The following PTPRT variants were observed in gnomAD, a reference collection of about 807,000 sequenced individuals.
PTPRT encodes the protein protein tyrosine phosphatase receptor type T.
PTPRT carries 56 observed loss-of-function variants against 176.8 expected under a neutral mutation model. The observed-to-expected ratio is 0.32, with a 90% confidence interval of 0.26 to 0.40. The LOEUF is 0.40. Among genes scored for constraint, PTPRT ranks in the 10% least tolerant of loss-of-function variants. PTPRT has a pLI of 1.00. For missense variants in PTPRT, 1,540 were observed against 1,908.2 expected (o/e 0.81, Z 3.60); for synonymous variants, 783 against 739.0 (o/e 1.06, Z -0.96).
chr20:42,128,916 G>T, intron 18 of PTPRT, 86 bp from the exon 19 acceptor site: 1 of 1,125,458 alleles, frequency 8.9e-7, no homozygotes, highest in South Asian at 1.8e-5. Context: ...GTTTATTAAT[G>T]ACTGCATATC....
intron 6 of PTPRT, among the ~76,000 whole-genome samples, chr20:42,683,825 T>A (rs935328769): frequency 6.6e-6 from 1 of 152,190 alleles, no homozygotes. Context: ...CTCTACTCAA[T>A]CTTCATGGTC....
At chr20:42,098,611 A>G in intron 26 of PTPRT, 59 bp from the exon 27 acceptor site, 1 of 1,602,304 alleles carries the variant, frequency 6.2e-7, no homozygotes, top group Non-Finnish European at 8.5e-7. Flanking sequence ...TATTCTGATG[A>G]TGATGAGGCC....
At chr20:42,542,514 T>G (rs2072602070) in intron 7 of PTPRT, among the ~76,000 whole-genome samples, 1 of 152,154 alleles carries the variant, frequency 6.6e-6, no homozygotes, top group Non-Finnish European at 1.5e-5. Context: ...GTTAAAAATG[T>G]ATACTTTGTT....
intron 7 of PTPRT, among the ~76,000 whole-genome samples, chr20:42,538,645 C>G (rs1169380158): frequency 2.0e-5 from 3 of 152,182 alleles, no homozygotes; most frequent in Non-Finnish European, 2.9e-5. Flanking sequence ...AGTACAGAGA[C>G]AGTGAGACAA....
At chr20:43,180,706 G>T (rs2015235613) in intron 1 of PTPRT, among the ~76,000 whole-genome samples, 1 of 151,950 alleles carries the variant, frequency 6.6e-6, no homozygotes, top group Non-Finnish European at 1.5e-5. Flanking sequence ...CAGGTGATCC[G>T]CCCACCTCGG....
intron 16 of PTPRT, among the ~76,000 whole-genome samples, chr20:42,162,808 G>C (rs1989662300): frequency 6.6e-6 from 1 of 152,160 alleles, no homozygotes; most frequent in Non-Finnish European, 1.5e-5. Context: ...CAGCTTATTT[G>C]CCTGTCATGT....
At chr20:42,628,361 T>C (rs1415403044) in intron 7 of PTPRT, among the ~76,000 whole-genome samples, 1 of 152,182 alleles carries the variant, frequency 6.6e-6, no homozygotes, top group African/African-American at 2.4e-5. Context: ...TATTGCTCTA[T>C]TCCACGTGAC....
intron 1 of PTPRT, among the ~76,000 whole-genome samples, chr20:43,102,063 C>A (rs3091802): frequency 6.6e-6 from 1 of 151,880 alleles, no homozygotes; most frequent in Non-Finnish European, 1.5e-5. Flanking sequence ...GGGCATGGAG[C>A]CCTAGCTAAT....
At chr20:43,122,148 A>G (rs2013284122) in intron 1 of PTPRT, among the ~76,000 whole-genome samples, 1 of 152,174 alleles carries the variant, frequency 6.6e-6, no homozygotes, top group South Asian at 2.1e-4. Context: ...TTGCATTTCT[A>G]ACAAGTTCCC....
rs992559538 is a variant in PTPRT at position 42,707,743 on chromosome 20, C to A, written c.860-29584G>T. Reference sequence around the variant, plus strand: ...CTGAGGCAAGAGGATCAGCTGAGCTCAGGAGTTTCAGACCAGCCTGAGCAA... The same window carrying A: ...CTGAGGCAAGAGGATCAGCTGAGCTAAGGAGTTTCAGACCAGCCTGAGCAA... On this transcript the variant is annotated intron_variant, in intron 6 of 30. Coordinates refer to ENST00000373187, the MANE Select transcript of PTPRT (RefSeq NM_007050.6). Among the ~76,000 whole-genome samples, 4 of 152,170 alleles carry A rather than the reference C, an allele frequency of 2.6e-5. No homozygotes were observed. In the South Asian group the frequency reaches 6.2e-4, roughly 24 times the overall value.
At chr20:42,223,356 A>G (rs1370919358) in intron 15 of PTPRT, among the ~76,000 whole-genome samples, 2 of 152,190 alleles carry the variant, frequency 1.3e-5, no homozygotes, top group African/African-American at 4.8e-5. Flanking sequence ...AGATGAGAGA[A>G]CAGAGGCTCA....
intron 17 of PTPRT, among the ~76,000 whole-genome samples, chr20:42,145,040 A>G (rs1032278187): frequency 1.3e-5 from 2 of 152,158 alleles, no homozygotes; most frequent in African/African-American, 4.8e-5. Context: ...TGGAGTTGGA[A>G]TGCTTTTTCT....
intron 1 of PTPRT, among the ~76,000 whole-genome samples, chr20:42,925,450 G>A (rs1283104955): frequency 6.6e-6 from 1 of 152,148 alleles, no homozygotes; most frequent in South Asian, 2.1e-4. Flanking sequence ...AGTGTTGGAA[G>A]GGCAAGGAGT....
At chr20:42,475,011 C>T (rs1037198486) in intron 7 of PTPRT, among the ~76,000 whole-genome samples, 25 of 152,306 alleles carry the variant, frequency 1.6e-4, no homozygotes, top group African/African-American at 5.5e-4. Context: ...AAGGCTAAGA[C>T]CACATGTTAT....
intron 7 of PTPRT, among the ~76,000 whole-genome samples, chr20:42,669,233 A>G (rs895629680): frequency 1.2e-4 from 19 of 152,124 alleles, no homozygotes; most frequent in Non-Finnish European, 2.9e-5. Context: ...ATCTTCTGTG[A>G]CTGCCTTCAA....
intron 7 of PTPRT, among the ~76,000 whole-genome samples, chr20:42,663,008 A>G (rs2075252304): frequency 6.6e-6 from 1 of 152,092 alleles, no homozygotes; most frequent in Non-Finnish European, 1.5e-5. Flanking sequence ...GTATTTATAT[A>G]TATACATGAA....
At chr20:42,039,678 C>T in the PTPRT span, among the ~76,000 whole-genome samples, 1 of 73,838 alleles carries the variant, frequency 1.4e-5, no homozygotes, top group Non-Finnish European at 3.7e-5. Context: ...TAAGGCTCAA[C>T]AATATTCTGT....
At chr20:42,870,513 A>T (rs1019727319) in intron 2 of PTPRT, among the ~76,000 whole-genome samples, 1 of 152,242 alleles carries the variant, frequency 6.6e-6, no homozygotes, top group African/African-American at 2.4e-5. Flanking sequence ...TATTTTAGAT[A>T]TACTGTCACG....
chr20:42,611,579 G>A (rs149954135), intron 7 of PTPRT, among the ~76,000 whole-genome samples: 443 of 152,200 alleles, frequency 2.9e-3, no homozygotes, highest in African/African-American at 9.8e-3. Flanking sequence ...TCTCAGGCCC[G>A]TCACGCCACC....
Sources: gnomAD v4.1 joint callset for allele counts (sites outside exome capture counted in the v4.1 genomes callset) on GRCh38, gnomAD v4.1.1 for gene constraint, MANE v1.5 for transcripts, NCBI Gene and HGNC (gene_info 2026-07-23, HGNC 2026-07-21) for gene names.